The following RMDN1 variants were observed in gnomAD, a reference collection of about 807,000 sequenced individuals.
The protein encoded by RMDN1 is regulator of microtubule dynamics 1.
A neutral mutation model predicts 48.9 loss-of-function variants in RMDN1; 48 were observed. That is an observed-to-expected ratio of 0.98 (90% CI 0.78 to 1.25). The LOEUF (loss-of-function observed/expected upper bound fraction) is 1.25, where lower values mean the gene tolerates loss of function less well. RMDN1 is among the 50% of genes most tolerant of loss of function. RMDN1 has a pLI of 0.00. For synonymous variants in RMDN1, 148 were observed against 132.6 expected (o/e 1.12, Z -0.80); for missense variants, 418 against 373.4 (o/e 1.12, Z -0.98).
intron 5 of RMDN1, among the ~76,000 whole-genome samples, chr8:86,483,583 TTATAAAATGTCAGTTATTATGTATA>T (rs1170420294): frequency 7.9e-5 from 12 of 152,208 alleles, no homozygotes; most frequent in Non-Finnish European, 1.2e-4. Flanking sequence ...AATTGTTACA[TTATAAAATGTCAGTTATTATGTATA>T]TATTACTATC....
At chr8:86,469,170 TTG>T (rs935506295), downstream of RMDN1, among the ~76,000 whole-genome samples, 11 of 143,212 alleles carry the variant, frequency 7.7e-5, no homozygotes, top group African/African-American at 2.5e-4. Flanking sequence ...AGTGTTTTTT[TTG>T]TTTGTTTGTC....
chr8:86,479,910 G>A (rs1814050992), intron 6 of RMDN1, among the ~76,000 whole-genome samples: 2 of 152,066 alleles, frequency 1.3e-5, no homozygotes, highest in South Asian at 4.1e-4. Context: ...AGATTATATG[G>A]TTCCTCAGAT....
downstream of RMDN1, among the ~76,000 whole-genome samples, chr8:86,471,617 AG>A (rs1323092445): frequency 1.3e-5 from 2 of 152,220 alleles, no homozygotes; most frequent in Non-Finnish European, 2.9e-5. Context: ...GCAATTATAA[AG>A]TATCTAAGGA....
intron 8 of RMDN1, 127 bp downstream of exon 8, chr8:86,477,167 T>C (rs57638937): frequency 0.17 from 97,206 of 573,802 alleles, 9,068 homozygotes; most frequent in Non-Finnish European, 0.19. Flanking sequence ...AAAAATTGTT[T>C]TACAGTATCT....
At chr8:86,503,133 C>T (rs1304546449) in intron 2 of RMDN1, among the ~76,000 whole-genome samples, 1 of 152,078 alleles carries the variant, frequency 6.6e-6, no homozygotes, top group Non-Finnish European at 1.5e-5. Context: ...GCGGCCAGAT[C>T]ATGAGGTCAG....
At chr8:86,479,230 T>C (rs1334679858) in intron 6 of RMDN1, among the ~76,000 whole-genome samples, 1 of 152,136 alleles carries the variant, frequency 6.6e-6, no homozygotes, top group Non-Finnish European at 1.5e-5. Flanking sequence ...GTCATACTAA[T>C]AACAGTAATA....
Position 86,474,073 on chromosome 8 carries a change from G to C in RMDN1, c.*235C>G, listed in dbSNP as rs562657659. ...TACCATTTTGCATTGCTGGTATCCA[G>C]GATGCAAAATAATCTCTTTGCCTGA... On this transcript the variant is annotated 3_prime_UTR_variant, in exon 10 of 10. Transcript: ENST00000406452. 3.4e-5 allele frequency: 42 copies of C among 1,244,766 alleles called. 1 individual carries two copies. The South Asian group carries it at 7.0e-4, about 21-fold the overall frequency. The allele number at this position is 1,244,766 out of a possible 1,614,324, so 77.1% of individuals were successfully genotyped here.
chr8:86,491,497 A>C (rs1043377801), intron 2 of RMDN1, among the ~76,000 whole-genome samples: 5 of 152,220 alleles, frequency 3.3e-5, no homozygotes, highest in African/African-American at 4.8e-5. Context: ...GAGCTTGTAG[A>C]CAACTCCACA....
At chr8:86,469,439 TTGTAAC>T (rs150094514), downstream of RMDN1, among the ~76,000 whole-genome samples, 2,380 of 152,282 alleles carry the variant, frequency 0.016, 62 homozygotes, top group African/African-American at 0.055. Flanking sequence ...TGGAAAACTC[TTGTAAC>T]TGTATGTCCT....
chr8:86,496,571 G>C (rs897073157), intron 2 of RMDN1, among the ~76,000 whole-genome samples: 1 of 152,044 alleles, frequency 6.6e-6, no homozygotes, highest in East Asian at 1.9e-4. Context: ...AGGATAAAGA[G>C]TTCAATTAAA....
Position 86,488,614 on chromosome 8 carries a change from G to C in RMDN1, c.273C>G (p.Asp91Glu), listed in dbSNP as rs1422336408. Residue 91 changes from aspartate to glutamate, a missense_variant, in exon 3 of 10, where the codon GAC (aspartate) becomes GAG (glutamate). Physicochemically the swap from Asp to Glu is conservative, Grantham distance 45 (BLOSUM62 2). Transcript: ENST00000406452. ...CTGTTTCTCCGCTTTCATACAGGTA[G>C]TCTGCTTGTTCAAGTATTTCTTCAA... ...AKVEEILEQADYLYESGETEK... is the reference protein window; with the variant it reads ...AKVEEILEQAEYLYESGETEK... The C allele has an allele frequency of 2.5e-6, 4 of 1,609,592 alleles. No homozygotes were observed. The highest frequency in any genetic ancestry group is 1.7e-4 in the Middle Eastern group (1 of 6,040).
intron 4 of RMDN1, 23 bp from the exon 5 acceptor site, chr8:86,484,984 GAAC>G: frequency 1.5e-6 from 2 of 1,325,254 alleles, no homozygotes; most frequent in Non-Finnish European, 2.1e-6. Context: ...AAAAGTGTAA[GAAC>G]AATAATATTC....
intron 9 of RMDN1, 23 bp from the exon 10 acceptor site, chr8:86,474,381 A>G (rs1254849556): frequency 6.4e-7 from 1 of 1,556,140 alleles, no homozygotes; most frequent in African/African-American, 1.4e-5. Flanking sequence ...AATACATGTT[A>G]TAAGTAAACA....
chr8:86,482,048 T>A (rs1257379219), intron 5 of RMDN1: 4 of 680,344 alleles, frequency 5.9e-6, no homozygotes. Context: ...TGCTAATCAC[T>A]GGTCCTCCTG....
Position 86,473,562 on chromosome 8 carries a change from T to C in RMDN1, c.*746A>G, listed in dbSNP as rs1282893517. 6.4e-6 allele frequency: 4 copies of C among 625,142 alleles called. No homozygotes were observed. Among genetic ancestry groups the C allele is most frequent in the Non-Finnish European group, 8.0e-6 (4 of 501,616 alleles). 38.7% of individuals were successfully genotyped at this position (625,142 alleles called of 1,614,324 possible). A position where few individuals can be genotyped will look rare whatever the true frequency, so the allele number is the denominator to read the frequency against. On this transcript the variant is annotated 3_prime_UTR_variant, in exon 10 of 10. Transcript: ENST00000406452. Reference sequence around the variant, plus strand: ...GGGCAGATCACTTGAGGCCAGGAGTTTGAGACCAGCCTAGCCAACATGGCA... The same window carrying C: ...GGGCAGATCACTTGAGGCCAGGAGTCTGAGACCAGCCTAGCCAACATGGCA...
In RMDN1 at chr8:86,497,004, T is replaced by G. The variant is rs538170048; in HGVS notation, c.248-8365A>C. Among the ~76,000 whole-genome samples the G allele has an allele frequency of 5.9e-5, 9 of 152,040 alleles. No individual in the cohort carries two copies. In the East Asian group the frequency reaches 1.5e-3, roughly 26 times the overall value. On this transcript the variant is annotated intron_variant, in intron 2 of 9. Transcript: ENST00000406452. ...ATCAAGATCTCTCAAAACCACACAA[T>G]TACATGGAAATTAAACAATTTGCTC... is the stretch of plus-strand genomic sequence containing the variant.
downstream of RMDN1, among the ~76,000 whole-genome samples, chr8:86,471,907 T>C (rs542805302): frequency 1.3e-5 from 2 of 152,302 alleles, no homozygotes; most frequent in South Asian, 2.1e-4. Context: ...TGGGGAACTG[T>C]TGTGGATGGA....
intron 1 of RMDN1, among the ~76,000 whole-genome samples, chr8:86,514,051 T>C (rs577961906): frequency 6.6e-6 from 1 of 152,122 alleles, no homozygotes; most frequent in East Asian, 1.9e-4. Flanking sequence ...CTCATTTTTT[T>C]GCCCCAGGCT....
intron 7 of RMDN1, among the ~76,000 whole-genome samples, chr8:86,478,608 T>G (rs867760455): frequency 7.9e-5 from 12 of 152,352 alleles, no homozygotes; most frequent in Middle Eastern, 3.4e-3. Flanking sequence ...GGGTAACAGA[T>G]GCTGTATTTC....
Sources: gnomAD v4.1 joint callset for allele counts (sites outside exome capture counted in the v4.1 genomes callset) on GRCh38, gnomAD v4.1.1 for gene constraint, MANE v1.5 for transcripts, NCBI Gene and HGNC (gene_info 2026-07-23, HGNC 2026-07-21) for gene names.